The following PRPF6 variants were observed in gnomAD, a reference collection of about 807,000 sequenced individuals.
The protein encoded by PRPF6 is pre-mRNA-processing factor 6.
A neutral mutation model predicts 118.3 loss-of-function variants in PRPF6; 42 were observed. That is an observed-to-expected ratio of 0.35 (90% CI 0.28 to 0.46). PRPF6 has a LOEUF of 0.46. PRPF6 is among the 20% of genes least tolerant of loss of function. PRPF6 has a pLI of 1.00. For synonymous variants in PRPF6, 481 were observed against 485.1 expected, an observed-to-expected ratio of 0.99 and a Z score of 0.11; for missense variants, 662 against 1,255.7, an observed-to-expected ratio of 0.53 and a Z score of 7.15.
intron 9 of PRPF6, among the ~76,000 whole-genome samples, chr20:64,009,059 C>T (rs145228938): frequency 4.1e-4 from 62 of 151,950 alleles, no homozygotes; most frequent in African/African-American, 1.2e-3. Context: ...CCGAGGCGGG[C>T]GGATCATGTG....
chr20:63,997,558 G>A (rs2059146540), intron 6 of PRPF6, among the ~76,000 whole-genome samples: 1 of 151,716 alleles, frequency 6.6e-6, no homozygotes, highest in Non-Finnish European at 1.5e-5. Context: ...CTGGGTTCAG[G>A]TGATTCTCCT....
At chr20:64,032,437 C>T (rs993245207) in intron 20 of PRPF6, among the ~76,000 whole-genome samples, 1 of 152,226 alleles carries the variant, frequency 6.6e-6, no homozygotes, top group East Asian at 1.9e-4. Context: ...AGCCCCTCTG[C>T]TCCCACCCGC....
intron 14 of PRPF6, among the ~76,000 whole-genome samples, chr20:64,024,975 C>G (rs1490514918): frequency 6.6e-6 from 1 of 152,136 alleles, no homozygotes; most frequent in Non-Finnish European, 1.5e-5. Context: ...TGAGGGCGCC[C>G]TTATGTGAAT....
chr20:63,993,049 C>G (rs1315612038), intron 3 of PRPF6, among the ~76,000 whole-genome samples: 1 of 151,826 alleles, frequency 6.6e-6, no homozygotes, highest in Non-Finnish European at 1.5e-5. Context: ...AACCCCGTCT[C>G]TACTAAAAAC....
intron 19 of PRPF6, 128 bp from the exon 20 acceptor site, chr20:64,031,790 G>T: frequency 1.6e-6 from 2 of 1,276,322 alleles, no homozygotes; most frequent in Non-Finnish European, 1.1e-6. Flanking sequence ...CTGATCCTCA[G>T]GCCTTCTTGA....
At position 64,022,845 on chromosome 20, in the gene PRPF6, G is replaced by A. The variant is rs1472653825; in HGVS notation, c.1736G>A (p.Arg579His). 20 of 1,613,938 alleles carry A rather than the reference G, an allele frequency of 1.2e-5. No homozygotes were observed. Among genetic ancestry groups the A allele is most frequent in the Admixed American group, 1.7e-5 (1 of 59,998 alleles). The change falls in exon 13 of 21, where the codon CGC (arginine) becomes CAC (histidine). Residue 579 changes from arginine to histidine, a missense_variant. Transcript: ENST00000266079. ...VFPSKKSVWL[R>H]AAYFEKNHGT... The stretch of plus-strand genomic sequence containing the variant: ...CCCAGCAAGAAGAGTGTGTGGCTGC[G>A]CGCCGCGTACTTCGAGAAGAACCAT...
chr20:63,994,841 G>A (rs1035881898), intron 4 of PRPF6, 75 bp from the exon 5 acceptor site: 40 of 1,588,250 alleles, frequency 2.5e-5, no homozygotes, highest in Middle Eastern at 3.4e-4. Context: ...CTAGGGGTGA[G>A]AGAGGGCATG....
At chr20:64,009,176 G>A (rs148685451) in intron 9 of PRPF6, among the ~76,000 whole-genome samples, 1 of 151,290 alleles carries the variant, frequency 6.6e-6, no homozygotes, top group Non-Finnish European at 1.5e-5. Flanking sequence ...AGCTACTTGG[G>A]AGGCTGAGGC....
Position 64,022,787 on chromosome 20 carries a change from C to T in PRPF6, c.1678C>T (p.Arg560Ter), listed in dbSNP as rs775662334. 3.1e-6 allele frequency: 5 copies of T among 1,614,088 alleles called. No homozygotes were observed. Among genetic ancestry groups the T allele is most frequent in the Non-Finnish European group, 4.2e-6 (5 of 1,180,018 alleles). ...AGCCCACAATGCCCTGGAGTGTGCA[C>T]GAGCCATCTACGCCTACGCCCTGCA... ...CVAHNALECARAIYAYALQVF... is the reference protein window; with the variant it reads ...CVAHNALECA The change falls in exon 13 of 21, where the codon CGA becomes TGA. Residue 560 changes from arginine (R) to a stop codon, truncating the protein, a stop_gained. Coordinates refer to ENST00000266079, the MANE Select transcript of PRPF6 (RefSeq NM_012469.4). LOFTEE classifies it high-confidence loss of function.
intron 11 of PRPF6, among the ~76,000 whole-genome samples, chr20:64,015,272 T>C (rs2059231954): frequency 6.6e-6 from 1 of 152,232 alleles, no homozygotes. Context: ...CAGTAGAAAC[T>C]GTCCATGGAG....
chr20:63,998,096 T>G (rs1219861220), intron 6 of PRPF6, among the ~76,000 whole-genome samples: 1 of 152,070 alleles, frequency 6.6e-6, no homozygotes, highest in East Asian at 1.9e-4. Flanking sequence ...TAATAAAAAT[T>G]TTATTTATTT....
chr20:63,985,983 A>C (rs886406355), intron 3 of PRPF6, among the ~76,000 whole-genome samples: 8 of 152,218 alleles, frequency 5.3e-5, no homozygotes, highest in Non-Finnish European at 1.2e-4. Flanking sequence ...TCCCTGATGA[A>C]CACTGATGCA....
intron 12 of PRPF6, among the ~76,000 whole-genome samples, chr20:64,021,336 C>T (rs747335652): frequency 3.2e-4 from 47 of 146,344 alleles, no homozygotes; most frequent in Non-Finnish European, 4.6e-4. Context: ...CAGCCACAGC[C>T]GTGTGTCTGT....
At chr20:64,005,419 C>T (rs929907684) in intron 9 of PRPF6, among the ~76,000 whole-genome samples, 3 of 152,188 alleles carry the variant, frequency 2.0e-5, no homozygotes, top group African/African-American at 4.8e-5. Flanking sequence ...TCATCTCCCA[C>T]GCAGTCGAGG....
In PRPF6 at chr20:64,032,014, C is replaced by A. The variant is rs771722874; in HGVS notation, c.2643C>A (p.Phe881Leu). 3 of 1,614,138 alleles carry A rather than the reference C, an allele frequency of 1.9e-6. No homozygotes were observed. ...ACCTGGGGGATGCCTGGGCCTTCTT[C>A]TACAAGTTTGAGCTGCAGCATGGCA... ...DSDLGDAWAFFYKFELQHGTE... is the reference protein window; with the variant it reads ...DSDLGDAWAFLYKFELQHGTE... Residue 881 changes from phenylalanine (F) to leucine (L), a missense_variant, in exon 20 of 21, where the codon TTC becomes TTA. Physicochemically the swap from Phe to Leu is conservative, Grantham distance 22. Around this residue, in one of 10 missense-constraint regions of PRPF6, gnomAD observed 244 missense variants for 383.7 expected, o/e 0.64. Coordinates refer to ENST00000266079, the MANE Select transcript of PRPF6 (RefSeq NM_012469.4).
At chr20:64,005,342 C>T (rs1409011916) in intron 9 of PRPF6, among the ~76,000 whole-genome samples, 6 of 152,156 alleles carry the variant, frequency 3.9e-5, no homozygotes, top group Non-Finnish European at 7.3e-5. Flanking sequence ...TTTAGAGACG[C>T]GAAGTTCATC....
chr20:63,995,319 C>T lies in PRPF6; in HGVS notation c.616-8C>T, dbSNP rs1244223449. 1.2e-6 allele frequency: 2 copies of T among 1,608,014 alleles called. No homozygotes were observed. Among genetic ancestry groups the T allele is most frequent in the African/African-American group, 1.3e-5 (1 of 74,794 alleles). ...TTTTATTCTTGCCTTTCCTCTCTTC[C>T]CCTCCAGCAATTTGGAGGTCTTAAC... On this transcript the variant is annotated splice_region_variant and splice_polypyrimidine_tract_variant and intron_variant, in intron 5 of 20. Transcript: ENST00000266079.
intron 3 of PRPF6, among the ~76,000 whole-genome samples, chr20:63,990,006 A>G (rs2059111591): frequency 6.6e-6 from 1 of 151,898 alleles, no homozygotes; most frequent in Admixed American, 6.6e-5. Context: ...GGCACGCGCC[A>G]CCACACCTGG....
chr20:64,021,634 T>C (rs1000759283), intron 12 of PRPF6, among the ~76,000 whole-genome samples: 1 of 148,406 alleles, frequency 6.7e-6, no homozygotes, highest in Non-Finnish European at 1.5e-5. Context: ...TGTTTGTGTG[T>C]GTGCGTGCAC....
Sources: allele counts gnomAD v4.1 joint callset (sites outside exome capture counted in the v4.1 genomes callset), GRCh38; gene constraint gnomAD v4.1.1; regional missense constraint gnomAD v4.1.1; transcripts MANE v1.5; gene names NCBI Gene and HGNC (gene_info 2026-07-23, HGNC 2026-07-21).